Variants in CDH13 observed in about 807,000 individuals in gnomAD.
CDH13 encodes the protein cadherin-13.
Under a neutral mutation model 63.8 loss-of-function variants are expected in CDH13, and 24 were observed. The ratio of observed to expected loss-of-function variants is 0.38; its 90% CI spans 0.27 to 0.53. The LOEUF (loss-of-function observed/expected upper bound fraction) is 0.53. Ranked by LOEUF, CDH13 falls within the 20% of genes least tolerant of loss-of-function variation. The pLI is 0.85. For synonymous variants in CDH13, 503 were observed against 355.3 expected, an observed-to-expected ratio of 1.42 and a Z score of -4.67; for missense variants, 1,049 against 903.1, an observed-to-expected ratio of 1.16 and a Z score of -2.07.
chr16:83,068,036 A>T (rs149194359), intron 3 of CDH13, among the ~76,000 whole-genome samples: 2 of 152,264 alleles, frequency 1.3e-5, no homozygotes, highest in African/African-American at 4.8e-5. Context: ...CAGCTCCTCT[A>T]TTAGATCCAT....
chr16:82,879,583 A>G (rs570394918), intron 2 of CDH13, among the ~76,000 whole-genome samples: 72 of 141,834 alleles, frequency 5.1e-4, no homozygotes, highest in African/African-American at 1.6e-3. Flanking sequence ...ATACAATATT[A>G]TATATTATAT....
At chr16:82,894,319 A>G (rs1167847293) in intron 2 of CDH13, among the ~76,000 whole-genome samples, 2 of 152,200 alleles carry the variant, frequency 1.3e-5, no homozygotes, top group South Asian at 4.1e-4. Context: ...CCCCAAGGCA[A>G]CTGACATTTT....
Position 83,127,185 on chromosome 16 carries a change from A to G in CDH13, c.483+1684A>G, listed in dbSNP as rs548765748. Among the ~76,000 whole-genome samples, 3 of 152,292 alleles carry G rather than the reference A, an allele frequency of 2.0e-5. No homozygotes were observed. In the South Asian group the frequency reaches 6.2e-4, roughly 32 times the overall value. ...ATGCCTGGGTTGCATGAGAGTAAGC[A>G]AGGATGACAGTGGTAAAAGTGAAAT... is the stretch of plus-strand genomic sequence containing the variant. On this transcript the variant is annotated intron_variant, in intron 4 of 13. Coordinates refer to ENST00000567109, the MANE Select transcript of CDH13 (RefSeq NM_001257.5).
chr16:83,569,856 C>A (rs746326098), intron 7 of CDH13, among the ~76,000 whole-genome samples: 2 of 152,144 alleles, frequency 1.3e-5, no homozygotes, highest in Non-Finnish European at 2.9e-5. Context: ...CCTGCCTCAG[C>A]CTTCCGAGTA....
At chr16:83,451,627 C>G (rs992432194) in intron 6 of CDH13, among the ~76,000 whole-genome samples, 22 of 152,202 alleles carry the variant, frequency 1.4e-4, no homozygotes, top group African/African-American at 5.1e-4. Flanking sequence ...AAGAGATTCT[C>G]CCACCTCAGC....
rs538080375 is a variant in CDH13, at chr16:83,733,288, G to A, written c.1539-14820G>A. 4.7e-4 allele frequency among the ~76,000 whole-genome samples: 71 copies of A among 152,310 alleles called. 1 individual carries two copies. The highest frequency in any genetic ancestry group is 6.8e-3 in the Middle Eastern group (2 of 294). ...TGATGGTGCCTCCGGATGATGATCC[G>A]TGAGCGCACACTGGACTCGTGCTCC... On this transcript the variant is annotated intron_variant, in intron 10 of 13. Coordinates refer to ENST00000567109, the MANE Select transcript of CDH13 (RefSeq NM_001257.5).
intron 2 of CDH13, among the ~76,000 whole-genome samples, chr16:82,877,466 A>C (rs1361034577): frequency 6.6e-6 from 1 of 152,182 alleles, no homozygotes; most frequent in Non-Finnish European, 1.5e-5. Context: ...CGCCATGTTG[A>C]TTTAGGTGGT....
chr16:82,929,323 C>T (rs2042403302), intron 2 of CDH13, among the ~76,000 whole-genome samples: 1 of 151,846 alleles, frequency 6.6e-6, no homozygotes, highest in Non-Finnish European at 1.5e-5. Context: ...AAAGAGACCC[C>T]AGTGAACTCG....
At chr16:83,506,475 T>C (rs559039331) in intron 7 of CDH13, among the ~76,000 whole-genome samples, 2 of 152,210 alleles carry the variant, frequency 1.3e-5, no homozygotes, top group Non-Finnish European at 2.9e-5. Flanking sequence ...TGGCTTTATA[T>C]TGTACCACTA....
intron 6 of CDH13, among the ~76,000 whole-genome samples, chr16:83,375,935 G>A (rs994957624): frequency 1.3e-5 from 2 of 152,134 alleles, no homozygotes; most frequent in African/African-American, 4.8e-5. Flanking sequence ...CATGCAGAGT[G>A]TATGCATTAG....
At chr16:82,796,328 C>T (rs543466918) in intron 1 of CDH13, among the ~76,000 whole-genome samples, 1 of 152,308 alleles carries the variant, frequency 6.6e-6, no homozygotes, top group African/African-American at 2.4e-5. Flanking sequence ...TCTTTCCAAT[C>T]TCGCTCTTCT....
intron 5 of CDH13, among the ~76,000 whole-genome samples, chr16:83,246,699 G>T (rs975926648): frequency 6.6e-6 from 1 of 152,054 alleles, no homozygotes; most frequent in Non-Finnish European, 1.5e-5. Context: ...TGCCTTTGAG[G>T]CCCCTATGTT....
chr16:83,383,555 T>C (rs1597883269), intron 6 of CDH13, among the ~76,000 whole-genome samples: 2 of 152,302 alleles, frequency 1.3e-5, no homozygotes, highest in South Asian at 4.1e-4. Context: ...GGAAGACTGT[T>C]TCCTCTTCTC....
intron 9 of CDH13, 98 bp from the exon 10 acceptor site, chr16:83,678,110 G>C: frequency 1.6e-6 from 2 of 1,268,086 alleles, no homozygotes; most frequent in Non-Finnish European, 2.2e-6. Flanking sequence ...CATCCCTGAA[G>C]GCCCACTGTT....
At chr16:82,960,436 T>A (rs1906793196) in intron 2 of CDH13, among the ~76,000 whole-genome samples, 1 of 152,040 alleles carries the variant, frequency 6.6e-6, no homozygotes, top group Non-Finnish European at 1.5e-5. Flanking sequence ...AGTGGAAATC[T>A]TGAGTGGGTG....
chr16:83,381,995 G>A (rs1040573156), intron 6 of CDH13, among the ~76,000 whole-genome samples: 19 of 152,276 alleles, frequency 1.2e-4, no homozygotes, highest in African/African-American at 4.3e-4. Flanking sequence ...ACACAGGAAC[G>A]ACGAAAAAGT....
chr16:83,713,855 C>T (rs925817389), intron 10 of CDH13, among the ~76,000 whole-genome samples: 3 of 152,236 alleles, frequency 2.0e-5, no homozygotes, highest in Admixed American at 2.0e-4. Flanking sequence ...CTCTCTCCCT[C>T]TTGACTGCCT....
At chr16:82,873,813 T>G (rs2040419596) in intron 2 of CDH13, among the ~76,000 whole-genome samples, 1 of 152,192 alleles carries the variant, frequency 6.6e-6, no homozygotes, top group East Asian at 1.9e-4. Flanking sequence ...CCACGAAATT[T>G]TCAATATAGC....
intron 6 of CDH13, among the ~76,000 whole-genome samples, chr16:83,461,453 C>G (rs2073179900): frequency 6.6e-6 from 1 of 152,152 alleles, no homozygotes; most frequent in African/African-American, 2.4e-5. Context: ...TTTAATGGAA[C>G]AGAGGTGAAG....
Sources: allele counts gnomAD v4.1 joint callset (sites outside exome capture counted in the v4.1 genomes callset), GRCh38; gene constraint gnomAD v4.1.1; transcripts MANE v1.5; gene names NCBI Gene and HGNC (gene_info 2026-07-23, HGNC 2026-07-21).